Variants in ALPK1 observed in about 807,000 individuals in gnomAD.
The protein encoded by ALPK1 is alpha kinase 1.
Under a neutral mutation model 120.6 loss-of-function variants are expected in ALPK1, and 110 were observed. That is an observed-to-expected ratio of 0.91 (90% CI 0.78 to 1.07). The LOEUF (loss-of-function observed/expected upper bound fraction) is 1.07. Among genes scored for constraint, ALPK1 ranks in the 50% least tolerant of loss-of-function variants. The probability of loss-of-function intolerance (pLI) is 0.00; values close to 1 mark genes in which losing one functional copy is unlikely to be tolerated. For synonymous variants in ALPK1, 582 were observed against 560.3 expected (o/e 1.04, Z -0.55); for missense variants, 1,498 against 1,483.9 (o/e 1.01, Z -0.16).
In ALPK1 at chr4:112,411,875, G is replaced by T. The variant is rs1733487796; in HGVS notation, c.325G>T (p.Ala109Ser). 6.2e-7 allele frequency: 1 copy of T among 1,613,888 alleles called. No homozygotes were observed. The highest frequency in any genetic ancestry group is 8.5e-7 in the Non-Finnish European group (1 of 1,179,978). The change falls in exon 5 of 16, where the codon GCT (alanine) becomes TCT (serine). Residue 109 changes from alanine (A) to serine (S), a missense_variant. Transcript: ENST00000650871. ...ILARDCAAAA[A>S]IVFLVDRFLY... ...CGCTCGGGACTGTGCGGCTGCGGCG[G>T]CTATTGTGTTCTTGGTGGACCGGTT...
chr4:112,392,731 G>A (rs1017386531), intron 4 of ALPK1, among the ~76,000 whole-genome samples: 7 of 152,124 alleles, frequency 4.6e-5, no homozygotes, highest in South Asian at 2.1e-4. Context: ...TCCCAGAGCC[G>A]TGTTTCCCAA....
At chr4:112,433,706 GA>G (rs1734673019) in intron 11 of ALPK1, among the ~76,000 whole-genome samples, 1 of 152,030 alleles carries the variant, frequency 6.6e-6, no homozygotes, top group Admixed American at 6.6e-5. Flanking sequence ...CTACTATACA[GA>G]AAAATGATTT....
chr4:112,394,472 A>T (rs1285972018), intron 4 of ALPK1, among the ~76,000 whole-genome samples: 1 of 152,224 alleles, frequency 6.6e-6, no homozygotes, highest in African/African-American at 2.4e-5. Context: ...ATAAGTGAAA[A>T]TTAGTTGCCA....
intron 2 of ALPK1, among the ~76,000 whole-genome samples, chr4:112,335,786 T>C (rs774304437): frequency 1.6e-4 from 25 of 152,210 alleles, no homozygotes; most frequent in Admixed American, 7.2e-4. Context: ...TCTTCCTCAT[T>C]AATTCTTGGC....
chr4:112,426,626 A>G, intron 8 of ALPK1, 83 bp downstream of exon 8: 2 of 1,149,384 alleles, frequency 1.7e-6, no homozygotes, highest in Non-Finnish European at 2.4e-6. Context: ...TCCATTTCTC[A>G]TATATCAATT....
chr4:112,378,404 T>G (rs1731761607), intron 3 of ALPK1, among the ~76,000 whole-genome samples: 2 of 152,224 alleles, frequency 1.3e-5, no homozygotes, highest in South Asian at 4.1e-4. Flanking sequence ...TTCTCTCATC[T>G]CGATAAATAC....
intron 2 of ALPK1, among the ~76,000 whole-genome samples, chr4:112,377,180 T>C (rs1177799365): frequency 6.6e-6 from 1 of 152,326 alleles, no homozygotes; most frequent in Middle Eastern, 3.4e-3. Flanking sequence ...AGCTTTAAAT[T>C]TGGCATTTGT....
At chr4:112,368,076 C>A (rs531265944) in intron 2 of ALPK1, among the ~76,000 whole-genome samples, 1 of 152,138 alleles carries the variant, frequency 6.6e-6, no homozygotes, top group African/African-American at 2.4e-5. Flanking sequence ...CACCACCACG[C>A]CTGGCTAATT....
At chr4:112,398,295 T>A (rs574834890) in intron 4 of ALPK1, among the ~76,000 whole-genome samples, 52 of 152,254 alleles carry the variant, frequency 3.4e-4, no homozygotes, top group African/African-American at 1.3e-3. Flanking sequence ...TAAATTTTTT[T>A]AATTTTTTTA....
At chr4:112,430,074 A>C (rs1734468525) in intron 10 of ALPK1, among the ~76,000 whole-genome samples, 1 of 152,198 alleles carries the variant, frequency 6.6e-6, no homozygotes, top group Non-Finnish European at 1.5e-5. Context: ...CATATATGGC[A>C]TCCTTATTTG....
intron 4 of ALPK1, among the ~76,000 whole-genome samples, chr4:112,406,799 A>C (rs111842509): frequency 7.2e-5 from 11 of 152,338 alleles, no homozygotes; most frequent in African/African-American, 2.4e-4. Flanking sequence ...GGAAGGAAGG[A>C]TACTACACAG....
rs560309734 is a variant in ALPK1 at position 112,394,118 on chromosome 4, G to A, written c.276+11566G>A. 2.0e-4 allele frequency among the ~76,000 whole-genome samples: 31 copies of A among 152,244 alleles called. No homozygotes were observed. The Middle Eastern group carries it at 0.01, about 50-fold the overall frequency. ...GCTCACCAAGTCACACAGCCAGTTC[G>A]TGGAAATGACGGGACCACCACAGCC... On this transcript the variant is annotated intron_variant, in intron 4 of 15. Transcript: ENST00000650871.
chr4:112,423,968 T>A lies in ALPK1; in HGVS notation c.500T>A (p.Ile167Asn), dbSNP rs1386528395. The A allele has an allele frequency of 1.2e-6, 2 of 1,614,046 alleles. No individual in the cohort carries two copies. Among genetic ancestry groups the A allele is most frequent in the Middle Eastern group, 1.7e-4 (1 of 6,056 alleles). Residue 167 changes from isoleucine (I) to asparagine (N), a missense_variant, in exon 6 of 16, where the codon ATT becomes AAT. By Grantham distance (149) the Ile-to-Asn change is moderately radical. Transcript: ENST00000650871. ...GGAAAACTTTTAAAAGCAGAGTATA[T>A]TCTGAGCAGTCTAATAAGCAACAAT... ...NSGKLLKAEY[I>N]LSSLISNNGA...
chr4:112,386,405 A>G (rs915177716), intron 4 of ALPK1, among the ~76,000 whole-genome samples: 6 of 152,242 alleles, frequency 3.9e-5, no homozygotes, highest in Non-Finnish European at 7.3e-5. Context: ...ATGTGGCTGT[A>G]ATAGCTGGGC....
intron 5 of ALPK1, among the ~76,000 whole-genome samples, chr4:112,415,542 C>T (rs888674598): frequency 9.3e-5 from 14 of 151,296 alleles, no homozygotes; most frequent in Non-Finnish European, 1.6e-4. Flanking sequence ...GAGGCTGAGG[C>T]GGGAGAATTG....
At chr4:112,365,389 T>C (rs993141602) in intron 2 of ALPK1, among the ~76,000 whole-genome samples, 3 of 152,160 alleles carry the variant, frequency 2.0e-5, no homozygotes, top group Non-Finnish European at 4.4e-5. Context: ...TGTACACAAA[T>C]CAGTAGCCCT....
At chr4:112,338,081 C>T (rs955081059) in intron 2 of ALPK1, among the ~76,000 whole-genome samples, 6 of 152,186 alleles carry the variant, frequency 3.9e-5, no homozygotes, top group Non-Finnish European at 8.8e-5. Flanking sequence ...ATTCTCCTAC[C>T]TCAGCTTCCT....
At chr4:112,333,911 GTT>G (rs1438865643) in intron 2 of ALPK1, among the ~76,000 whole-genome samples, 1 of 151,118 alleles carries the variant, frequency 6.6e-6, no homozygotes, top group East Asian at 1.9e-4. Context: ...TTTGTTTTTT[GTT>G]TGTTTGGTTT....
chr4:112,350,497 G>A (rs1021185337), intron 2 of ALPK1, among the ~76,000 whole-genome samples: 3 of 152,156 alleles, frequency 2.0e-5, no homozygotes, highest in Non-Finnish European at 4.4e-5. Context: ...TATAAACAGC[G>A]CATTTCCGTT....
Sources: gnomAD v4.1 joint callset for allele counts (sites outside exome capture counted in the v4.1 genomes callset) on GRCh38, gnomAD v4.1.1 for gene constraint, MANE v1.5 for transcripts, NCBI Gene and HGNC (gene_info 2026-07-23, HGNC 2026-07-21) for gene names.